Variants in WBP11 observed in about 807,000 individuals in gnomAD.
WBP11 encodes the protein WW domain-binding protein 11.
WBP11 carries 12 observed loss-of-function variants against 66.7 expected under a neutral mutation model. The observed-to-expected ratio is 0.18, with a 90% CI of 0.12 to 0.29. The LOEUF is 0.29. Ranked by LOEUF, WBP11 falls within the 10% of genes least tolerant of loss-of-function variation. The pLI is 1.00. For synonymous variants in WBP11, 255 were observed against 273.8 expected (o/e 0.93, Z 0.68); for missense variants, 555 against 818.3 (o/e 0.68, Z 3.93).
At position 14,786,379 on chromosome 12, in the gene WBP11, A is replaced by G. The variant is rs1048062229; in HGVS notation, c.*686T>C. 1 of 152,216 alleles carries G rather than the reference A, an allele frequency of 6.6e-6. No individual in the cohort carries two copies. Among genetic ancestry groups the G allele is most frequent in the African/African-American group, 2.4e-5 (1 of 41,462 alleles). The allele number at this position is 152,216 out of a possible 1,614,324, so 9.4% of individuals were successfully genotyped here. A position where few individuals can be genotyped will look rare whatever the true frequency, so the allele number is the denominator to read the frequency against. The stretch of plus-strand genomic sequence containing the variant: ...TTCAGTAAGATTCTCATTCTGTACC[A>G]GAAAGGCAGTTCCTTAAAGACCCAA... On this transcript the variant is annotated 3_prime_UTR_variant, in exon 12 of 12. Coordinates refer to ENST00000261167, the MANE Select transcript of WBP11 (RefSeq NM_016312.3).
chr12:14,801,819 AT>A (rs780732750), intron 1 of WBP11: 1 of 161,992 alleles, frequency 6.2e-6, no homozygotes, highest in East Asian at 1.6e-4. Flanking sequence ...TTAACATGTA[AT>A]TGTAAAAGAA....
At position 14,800,748 on chromosome 12, in the gene WBP11, A is replaced by G. The variant is rs771513475; in HGVS notation, c.96+4T>C. ...AGTTTTATAAGATGCCTCTAAAATCATACCTTCTTTAATTCTCTCTTCCGG... is the reference window on the plus strand; with the variant it reads ...AGTTTTATAAGATGCCTCTAAAATCGTACCTTCTTTAATTCTCTCTTCCGG... On this transcript the variant is annotated splice_donor_region_variant and intron_variant, in intron 3 of 11. Coordinates refer to ENST00000261167, the MANE Select transcript of WBP11 (RefSeq NM_016312.3). 2 of 1,606,420 alleles carry G rather than the reference A, an allele frequency of 1.2e-6. No homozygotes were observed. The highest frequency in any genetic ancestry group is 2.2e-5 in the East Asian group (1 of 44,628).
At chr12:14,799,262 G>A (rs1441433410) in intron 4 of WBP11, among the ~76,000 whole-genome samples, 1 of 151,844 alleles carries the variant, frequency 6.6e-6, no homozygotes, top group Admixed American at 6.6e-5. Context: ...TATTCACAGG[G>A]GCCTAATACT....
At chr12:14,799,106 T>C (rs779597687) in intron 4 of WBP11, among the ~76,000 whole-genome samples, 2 of 152,164 alleles carry the variant, frequency 1.3e-5, no homozygotes, top group South Asian at 4.1e-4. Context: ...ATAAAACTAT[T>C]CTATAAAATG....
rs764884689 is a variant in WBP11, at chr12:14,796,937, C to T, written c.257G>A (p.Arg86His). The T allele has an allele frequency of 1.2e-6, 2 of 1,611,458 alleles. No homozygotes were observed. The highest frequency in any genetic ancestry group is 1.1e-5 in the South Asian group (1 of 90,534). The change falls in exon 5 of 12, where the codon CGT (arginine) becomes CAT (histidine). Residue 86 changes from arginine to histidine, a missense_variant. Arg to His is a conservative substitution (Grantham distance 29). Around this residue, in one of 6 missense-constraint regions of WBP11, gnomAD observed 43 missense variants for 142.1 expected, o/e 0.30. Coordinates refer to ENST00000261167, the MANE Select transcript of WBP11 (RefSeq NM_016312.3). The surrounding 1 kb of genome is among the most constrained non-coding windows in gnomAD (Gnocchi z 4.5). ...KVLKDKRKKL[R>H]ETFERILRLY... Reference sequence around the variant, plus strand: ...TCGTAGAATACGTTCAAAGGTTTCACGCAGCTTTTTACGCTTGTCTTTCAG... The same window carrying T: ...TCGTAGAATACGTTCAAAGGTTTCATGCAGCTTTTTACGCTTGTCTTTCAG...
chr12:14,795,864 G>C (rs978358001), intron 5 of WBP11, among the ~76,000 whole-genome samples: 3 of 152,200 alleles, frequency 2.0e-5, no homozygotes, highest in Admixed American at 2.0e-4. Flanking sequence ...GTTTGACTAA[G>C]CAAGGTAACC....
rs1949872562 is a variant in WBP11, at chr12:14,794,870, C to A, written c.521+101G>T. On this transcript the variant is annotated intron_variant, in intron 6 of 11. Transcript: ENST00000261167. The stretch of plus-strand genomic sequence containing the variant: ...ATTTAATCAAATGTCACACTGTTTA[C>A]ATCCATATTGTCTTTTATTTCCCTC... 10 of 1,593,000 alleles carry A rather than the reference C, an allele frequency of 6.3e-6. 1 individual carries two copies. In the South Asian group the frequency reaches 1.1e-4, roughly 18 times the overall value.
rs1360477459 is a variant in WBP11, at chr12:14,785,151, G to A, written c.*1914C>T. ...CTGGTTGTGGTGGCACGTATCTGAAGTTCCAACTACTTGGGAGGCTGAGGC... is the reference window on the plus strand; with the variant it reads ...CTGGTTGTGGTGGCACGTATCTGAAATTCCAACTACTTGGGAGGCTGAGGC... On this transcript the variant is annotated 3_prime_UTR_variant, in exon 12 of 12. Transcript: ENST00000261167. The A allele has an allele frequency of 6.6e-6, 1 of 152,188 alleles. No homozygotes were observed. The highest frequency in any genetic ancestry group is 1.5e-5 in the Non-Finnish European group (1 of 68,080). 9.4% of individuals were successfully genotyped at this position (152,188 alleles called of 1,614,324 possible).
chr12:14,801,065 C>A, intron 2 of WBP11: 1 of 458,274 alleles, frequency 2.2e-6, no homozygotes. Flanking sequence ...AACTAATTTG[C>A]TCAAAATTTC....
chr12:14,791,488 A>G (rs183495508), intron 8 of WBP11, among the ~76,000 whole-genome samples: 28 of 152,350 alleles, frequency 1.8e-4, no homozygotes, highest in Admixed American at 7.2e-4. Context: ...TAAGCCCAGA[A>G]TATACAAAAC....
chr12:14,794,080 T>A (rs1249077082), intron 7 of WBP11, among the ~76,000 whole-genome samples, 158 bp from the exon 8 acceptor site: 2 of 150,866 alleles, frequency 1.3e-5, no homozygotes, highest in Non-Finnish European at 3.0e-5. Flanking sequence ...TAGCTACTCA[T>A]ACAGTCTAAC....
chr12:14,788,836 A>G, intron 11 of WBP11, 115 bp downstream of exon 11: 1 of 566,812 alleles, frequency 1.8e-6, no homozygotes. Context: ...CTTAAAAACC[A>G]CCACTGACTG....
intron 8 of WBP11, 25 bp from the exon 9 acceptor site, chr12:14,791,295 A>G (rs1386095635): frequency 3.7e-6 from 6 of 1,605,016 alleles, no homozygotes; most frequent in Admixed American, 3.3e-5. Flanking sequence ...GAGGGAGTGG[A>G]GTAGATTGGC....
At chr12:14,803,140 G>C (rs987693539) in intron 1 of WBP11, among the ~76,000 whole-genome samples, 1 of 152,176 alleles carries the variant, frequency 6.6e-6, no homozygotes, top group South Asian at 2.1e-4. Flanking sequence ...TGCGTAAGAA[G>C]CGGCCCCAAC....
chr12:14,801,222 T>C, intron 2 of WBP11, 98 bp downstream of exon 2: 1 of 1,227,074 alleles, frequency 8.1e-7, no homozygotes, highest in Non-Finnish European at 1.2e-6. Flanking sequence ...CTCCTATCAC[T>C]GCTGGTCTTG....
rs775110433 is a variant in WBP11 at position 14,785,787 on chromosome 12, C to T, written c.*1278G>A. ...AAGTAACGTATGCCTAAACAATGCA[C>T]GCACTGTGTGTATGTGTTTATGAAA... is the stretch of plus-strand genomic sequence containing the variant. On this transcript the variant is annotated 3_prime_UTR_variant, in exon 12 of 12. Coordinates refer to ENST00000261167, the MANE Select transcript of WBP11 (RefSeq NM_016312.3). The T allele has an allele frequency of 6.6e-6, 1 of 152,148 alleles. No homozygotes were observed. The highest frequency in any genetic ancestry group is 1.5e-5 in the Non-Finnish European group (1 of 68,034). 9.4% of individuals were successfully genotyped at this position (152,148 alleles called of 1,614,324 possible).
chr12:14,790,398 T>C (rs1949806533), intron 10 of WBP11, 58 bp downstream of exon 10: 1 of 1,561,086 alleles, frequency 6.4e-7, no homozygotes. Flanking sequence ...ATAGTATTTT[T>C]TGGAATGACT....
At chr12:14,803,297 C>G (rs1238951918) in intron 1 of WBP11, 55 bp downstream of exon 1, 3 of 396,630 alleles carry the variant, frequency 7.6e-6, no homozygotes, top group Non-Finnish European at 1.3e-5. Flanking sequence ...CTGCGCGGGA[C>G]GTGGAAGGGA....
rs1170135128 is a variant in WBP11, at chr12:14,803,472, A to G, written c.-166T>C. ...ACCCCTCAGCTACCGCCATCTTGAA[A>G]CCTCGCGCCCCTCCGCACTCCTCAC... On this transcript the variant is annotated 5_prime_UTR_variant, in exon 1 of 12. Transcript: ENST00000261167. 2.5e-6 allele frequency: 1 copy of G among 397,122 alleles called. No individual in the cohort carries two copies. The highest frequency in any genetic ancestry group is 4.4e-6 in the Non-Finnish European group (1 of 225,776). 24.6% of individuals were successfully genotyped at this position (397,122 alleles called of 1,614,324 possible). A position where few individuals can be genotyped will look rare whatever the true frequency, so the allele number is the denominator to read the frequency against.
Sources: gnomAD v4.1 joint callset for allele counts (sites outside exome capture counted in the v4.1 genomes callset) on GRCh38, gnomAD v4.1.1 for gene constraint, gnomAD v4.1.1 regional missense constraint, Gnocchi (gnomAD v3.1) non-coding constraint, MANE v1.5 for transcripts, NCBI Gene and HGNC (gene_info 2026-07-23, HGNC 2026-07-21) for gene names.